The following RIMS2 variants were observed in gnomAD, a reference collection of about 807,000 sequenced individuals.
RIMS2 encodes regulating synaptic membrane exocytosis 2.
In RIMS2, 59 loss-of-function variants were observed where a neutral mutation model predicts 174.4. The observed-to-expected ratio is 0.34, with a 90% CI of 0.27 to 0.42. The LOEUF is 0.42. Among genes scored for constraint, RIMS2 ranks in the 10% least tolerant of loss-of-function variants. The pLI is 1.00. For missense variants in RIMS2, 1,620 were observed against 1,666.3 expected (o/e 0.97, Z 0.48); for synonymous variants, 606 against 572.5 (o/e 1.06, Z -0.84).
intron 19 of RIMS2, among the ~76,000 whole-genome samples, chr8:104,065,628 T>C (rs1232850799): frequency 6.6e-6 from 1 of 152,134 alleles, no homozygotes; most frequent in Non-Finnish European, 1.5e-5. Flanking sequence ...AATTTTTGGG[T>C]AGGGAGACCT....
At chr8:104,190,666 A>G (rs1178830135) in intron 19 of RIMS2, among the ~76,000 whole-genome samples, 2 of 152,068 alleles carry the variant, frequency 1.3e-5, no homozygotes, top group Admixed American at 6.6e-5. Context: ...CAATGACTGC[A>G]TTGATGTAGA....
intron 3 of RIMS2, among the ~76,000 whole-genome samples, chr8:103,833,087 T>C (rs755285403): frequency 5.3e-5 from 8 of 152,224 alleles, no homozygotes; most frequent in Non-Finnish European, 1.2e-4. Flanking sequence ...TTTCTTAGTC[T>C]TCATTCTTTG....
chr8:103,617,495 G>A (rs1190046734), intron 1 of RIMS2, among the ~76,000 whole-genome samples: 1 of 152,086 alleles, frequency 6.6e-6, no homozygotes, highest in African/African-American at 2.4e-5. Context: ...CTCAACAAAA[G>A]CAGAAATTGA....
intron 1 of RIMS2, among the ~76,000 whole-genome samples, chr8:103,553,272 AAG>A (rs1441886803): frequency 6.6e-6 from 1 of 152,200 alleles, no homozygotes; most frequent in Non-Finnish European, 1.5e-5. Flanking sequence ...AGCCATTAAA[AAG>A]GATGAATTTT....
chr8:103,989,377 C>G (rs1375596797), exon 17 of RIMS2: 3 of 1,612,750 alleles, frequency 1.9e-6, no homozygotes, highest in Non-Finnish European at 1.7e-6. Flanking sequence ...GCCGAATGGA[C>G]AGACATCGTG....
At chr8:103,645,436 A>G (rs1417530083) in intron 1 of RIMS2, among the ~76,000 whole-genome samples, 1 of 152,140 alleles carries the variant, frequency 6.6e-6, no homozygotes, top group Admixed American at 6.6e-5. Flanking sequence ...TCATTAAAAA[A>G]TGAACACAGT....
chr8:103,958,823 G>A (rs937644728), intron 14 of RIMS2, among the ~76,000 whole-genome samples: 1 of 152,174 alleles, frequency 6.6e-6, no homozygotes, highest in Non-Finnish European at 1.5e-5. Flanking sequence ...CAATGGTTGA[G>A]GAGTCTGAGA....
intron 1 of RIMS2, among the ~76,000 whole-genome samples, chr8:103,518,907 A>G (rs1288592453): frequency 6.6e-6 from 1 of 152,130 alleles, no homozygotes; most frequent in Non-Finnish European, 1.5e-5. Flanking sequence ...GCTGCAGAGT[A>G]TCTTCTTAAA....
intron 3 of RIMS2, among the ~76,000 whole-genome samples, chr8:103,882,613 C>T (rs2099173196): frequency 6.6e-6 from 1 of 151,544 alleles, no homozygotes; most frequent in Non-Finnish European, 1.5e-5. Context: ...AAATCCAGTA[C>T]AAATCGACAT....
At chr8:103,894,873 G>T (rs753003084) in intron 4 of RIMS2, among the ~76,000 whole-genome samples, 1 of 151,444 alleles carries the variant, frequency 6.6e-6, no homozygotes, top group Non-Finnish European at 1.5e-5. Flanking sequence ...AAGTTTGCCA[G>T]TCCCTGGATT....
chr8:103,599,543 A>G (rs1349512273), intron 1 of RIMS2, among the ~76,000 whole-genome samples: 50 of 151,406 alleles, frequency 3.3e-4, no homozygotes, highest in Admixed American at 3.2e-3. Context: ...GGCTCAGGTG[A>G]TCCTCCCACC....
chr8:103,720,873 A>C (rs1042079989), intron 2 of RIMS2, among the ~76,000 whole-genome samples: 1 of 152,246 alleles, frequency 6.6e-6, no homozygotes, highest in Admixed American at 6.5e-5. Flanking sequence ...GTAATTTTAA[A>C]AACCATTTAC....
At chr8:103,884,063 T>A (rs74960039) in intron 3 of RIMS2, among the ~76,000 whole-genome samples, 1 of 151,988 alleles carries the variant, frequency 6.6e-6, no homozygotes, top group Non-Finnish European at 1.5e-5. Flanking sequence ...CTAGACTAAC[T>A]TCTGTTTTCG....
chr8:103,791,027 C>A (rs190123054), intron 3 of RIMS2, among the ~76,000 whole-genome samples: 2 of 152,108 alleles, frequency 1.3e-5, no homozygotes, highest in African/African-American at 2.4e-5. Flanking sequence ...ACTTTCCCAA[C>A]CTAGCAAGGC....
intron 3 of RIMS2, among the ~76,000 whole-genome samples, chr8:103,836,017 A>G (rs896030900): frequency 3.9e-5 from 6 of 152,230 alleles, no homozygotes; most frequent in Non-Finnish European, 8.8e-5. Context: ...GATAAAATAA[A>G]GAGACAAAAG....
intron 2 of RIMS2, among the ~76,000 whole-genome samples, chr8:103,754,748 T>C (rs983393327): frequency 3.3e-5 from 5 of 152,108 alleles, no homozygotes; most frequent in African/African-American, 1.2e-4. Flanking sequence ...ACTAGGATTA[T>C]AACCCCTGCT....
chr8:103,525,536 CT>C (rs1243936311), intron 1 of RIMS2, among the ~76,000 whole-genome samples: 2 of 152,202 alleles, frequency 1.3e-5, no homozygotes, highest in African/African-American at 4.8e-5. Context: ...GTTACCAACC[CT>C]TGGACAGAGG....
At chr8:103,823,723 A>C (rs2098768160) in intron 3 of RIMS2, among the ~76,000 whole-genome samples, 1 of 152,106 alleles carries the variant, frequency 6.6e-6, no homozygotes, top group African/African-American at 2.4e-5. Context: ...ATTCTTCATC[A>C]TGGTACGTTA....
intron 1 of RIMS2, among the ~76,000 whole-genome samples, chr8:103,611,548 T>C (rs2449919): frequency 0.87 from 131,644 of 150,926 alleles, 57,737 homozygotes; most frequent in African/African-American, 0.97. Flanking sequence ...TTTTTTTTTG[T>C]CAGATGTAGT....
Sources: allele counts gnomAD v4.1 joint callset (sites outside exome capture counted in the v4.1 genomes callset), GRCh38; gene constraint gnomAD v4.1.1; transcripts MANE v1.5; gene names NCBI Gene and HGNC (gene_info 2026-07-23, HGNC 2026-07-21).